The following KALRN variants were observed in gnomAD, a reference collection of about 807,000 sequenced individuals.
KALRN encodes the protein kalirin.
Under a neutral mutation model 353.7 loss-of-function variants are expected in KALRN, and 70 were observed. That is an observed-to-expected ratio of 0.20 (90% CI 0.16 to 0.24). The LOEUF (loss-of-function observed/expected upper bound fraction) is 0.24, where lower values mean the gene tolerates loss of function less well. KALRN is among the 10% of genes least tolerant of loss of function. The pLI is 1.00. For synonymous variants in KALRN, 1,391 were observed against 1,434.8 expected (o/e 0.97, Z 0.69); for missense variants, 2,791 against 3,756.7 (o/e 0.74, Z 6.72).
At chr3:124,266,353 A>G (rs1473294339) in intron 4 of KALRN, among the ~76,000 whole-genome samples, 1 of 152,118 alleles carries the variant, frequency 6.6e-6, no homozygotes. Flanking sequence ...TGGATAGTGG[A>G]TGGTTTTTAT....
intron 15 of KALRN, among the ~76,000 whole-genome samples, chr3:124,424,336 A>G (rs1051180394): frequency 2.1e-4 from 32 of 152,308 alleles, no homozygotes; most frequent in African/African-American, 7.0e-4. Context: ...AGCATGCTGA[A>G]ACTTTTGGAA....
chr3:124,490,638 G>A, intron 29 of KALRN, 56 bp from the exon 30 acceptor site: 1 of 1,528,108 alleles, frequency 6.5e-7, no homozygotes, highest in South Asian at 1.2e-5. Context: ...GTGGAACATG[G>A]CCCCCTGACT....
chr3:124,651,721 T>A (rs1001787560), intron 38 of KALRN, among the ~76,000 whole-genome samples: 3 of 151,868 alleles, frequency 2.0e-5, no homozygotes, highest in Non-Finnish European at 4.4e-5. Context: ...CACTGCAGCT[T>A]TGACCTCCTG....
At chr3:124,525,599 G>A (rs564900861) in intron 33 of KALRN, among the ~76,000 whole-genome samples, 4 of 152,288 alleles carry the variant, frequency 2.6e-5, no homozygotes, top group Non-Finnish European at 4.4e-5. Flanking sequence ...ACAGATTCAC[G>A]AGGACTTGCC....
Position 124,157,664 on chromosome 3 carries a change from G to A in KALRN, c.74-70326G>A, listed in dbSNP as rs765986304. Among the ~76,000 whole-genome samples, 2 of 152,174 alleles carry A rather than the reference G, an allele frequency of 1.3e-5. 1 individual carries two copies. Among genetic ancestry groups the A allele is most frequent in the South Asian group, 4.1e-4 (2 of 4,832 alleles). On this transcript the variant is annotated intron_variant, in intron 1 of 59. Coordinates refer to ENST00000682506, the MANE Select transcript of KALRN (RefSeq NM_001388419.1). ...CCTTTCCGAAATAAGGGGGGTAGAA[G>A]TTATGTCTTTCAAGTTACACTGATC...
chr3:124,528,904 T>G (rs2067804154), intron 33 of KALRN, among the ~76,000 whole-genome samples: 1 of 152,200 alleles, frequency 6.6e-6, no homozygotes, highest in African/African-American at 2.4e-5. Flanking sequence ...GATCTATACT[T>G]GTGCTCAGCA....
At chr3:124,264,773 T>A in intron 4 of KALRN, 83 bp downstream of exon 4, 1 of 1,200,268 alleles carries the variant, frequency 8.3e-7, no homozygotes, top group Admixed American at 1.8e-5. Context: ...CTTCTCTATC[T>A]ACCATACAGT....
chr3:124,123,591 G>A (rs2064290921), intron 1 of KALRN, among the ~76,000 whole-genome samples: 1 of 152,212 alleles, frequency 6.6e-6, no homozygotes, highest in African/African-American at 2.4e-5. Context: ...ACTGAAGCAA[G>A]TTATCTAGAG....
chr3:124,255,525 A>G (rs1399427567), intron 3 of KALRN, among the ~76,000 whole-genome samples: 1 of 152,214 alleles, frequency 6.6e-6, no homozygotes, highest in East Asian at 1.9e-4. Context: ...AATAGATAAT[A>G]TGGTGCATTT....
At chr3:124,380,481 C>T (rs996334222) in intron 10 of KALRN, among the ~76,000 whole-genome samples, 2 of 152,192 alleles carry the variant, frequency 1.3e-5, no homozygotes, top group African/African-American at 4.8e-5. Flanking sequence ...GCTCTGTCTA[C>T]CACAGGTCCT....
chr3:124,527,468 A>G (rs902793962), intron 33 of KALRN, among the ~76,000 whole-genome samples: 1 of 151,658 alleles, frequency 6.6e-6, no homozygotes, highest in African/African-American at 2.4e-5. Flanking sequence ...AATTAGCCAG[A>G]TGTGGTGGCA....
At chr3:124,435,050 C>G (rs1283823745) in intron 17 of KALRN, among the ~76,000 whole-genome samples, 1 of 152,122 alleles carries the variant, frequency 6.6e-6, no homozygotes, top group Non-Finnish European at 1.5e-5. Context: ...TGCAAGAGTC[C>G]AAAATCTACC....
intron 16 of KALRN, among the ~76,000 whole-genome samples, chr3:124,431,880 A>G (rs2093292960): frequency 6.6e-6 from 1 of 152,212 alleles, no homozygotes; most frequent in Non-Finnish European, 1.5e-5. Context: ...GTTAAGATGC[A>G]TGATATTTTC....
chr3:124,096,408 G>A (rs1414381482), intron 1 of KALRN, among the ~76,000 whole-genome samples: 1 of 152,150 alleles, frequency 6.6e-6, no homozygotes, highest in African/African-American at 2.4e-5. Context: ...GGAAAGACAG[G>A]AACAGGTGGT....
At position 124,671,847 on chromosome 3, in the gene KALRN, C is replaced by T; in HGVS notation, c.6891C>T (p.Gly2297=). 6.2e-7 allele frequency: 1 copy of T among 1,614,152 alleles called. No homozygotes were observed. The highest frequency in any genetic ancestry group is 8.5e-7 in the Non-Finnish European group (1 of 1,180,026). ...CCCTGAAGATATCTACCTCCAATGG[C>T]AGTCCAGGGTTTGAATACCACCAGC... is the stretch of plus-strand genomic sequence containing the variant. ...LPPLKISTSN[G]SPGFEYHQPG... The change falls in exon 48 of 60, where the codon GGC becomes GGT. Residue 2297 remains glycine (G), a synonymous_variant. Coordinates refer to ENST00000682506, the MANE Select transcript of KALRN (RefSeq NM_001388419.1).
chr3:124,420,384 G>T lies in KALRN; in HGVS notation c.2543-2428G>T, dbSNP rs570294839. Reference sequence around the variant, plus strand: ...AATGAATATGAGCTACAACAAATCCGCATCAAGACTGGAAGTGAGAAAGAG... The same window carrying T: ...AATGAATATGAGCTACAACAAATCCTCATCAAGACTGGAAGTGAGAAAGAG... On this transcript the variant is annotated intron_variant, in intron 14 of 59. Coordinates refer to ENST00000682506, the MANE Select transcript of KALRN (RefSeq NM_001388419.1). Among the ~76,000 whole-genome samples the T allele has an allele frequency of 5.9e-5, 9 of 152,314 alleles. No homozygotes were observed. In the South Asian group the frequency reaches 1.0e-3, roughly 18 times the overall value.
intron 17 of KALRN, among the ~76,000 whole-genome samples, chr3:124,437,562 C>T (rs189602359): frequency 6.6e-6 from 1 of 151,702 alleles, no homozygotes; most frequent in Non-Finnish European, 1.5e-5. Flanking sequence ...TGGTGGTGAG[C>T]GACTGTAATC....
At chr3:124,454,346 C>G (rs992797977) in intron 21 of KALRN, among the ~76,000 whole-genome samples, 5 of 152,200 alleles carry the variant, frequency 3.3e-5, no homozygotes, top group African/African-American at 9.7e-5. Context: ...CTAAGCCTCT[C>G]TAAGCCTCAG....
intron 15 of KALRN, among the ~76,000 whole-genome samples, chr3:124,427,379 G>A (rs11917392): frequency 6.6e-6 from 1 of 152,204 alleles, no homozygotes; most frequent in African/African-American, 2.4e-5. Flanking sequence ...TAGCGTTTCA[G>A]AAACAACTAT....
Sources: gnomAD v4.1 joint callset for allele counts (sites outside exome capture counted in the v4.1 genomes callset) on GRCh38, gnomAD v4.1.1 for gene constraint, MANE v1.5 for transcripts, NCBI Gene and HGNC (gene_info 2026-07-23, HGNC 2026-07-21) for gene names.